The following PRKG1 variants were observed in gnomAD, a reference collection of about 807,000 sequenced individuals.
PRKG1 encodes protein kinase cGMP-dependent 1, also known as cGMP-dependent protein kinase 1.
In PRKG1, 35 loss-of-function variants were observed where a neutral mutation model predicts 88.1. The ratio of observed to expected loss-of-function variants is 0.40; its 90% CI spans 0.30 to 0.53. The LOEUF is 0.53. PRKG1 is among the 20% of genes least tolerant of loss of function. The pLI is 0.59. For synonymous variants in PRKG1, 303 were observed against 292.5 expected (o/e 1.04, Z -0.37); for missense variants, 540 against 839.8 (o/e 0.64, Z 4.41).
At chr10:52,282,543 CT>C (rs1255439256) in intron 14 of PRKG1, among the ~76,000 whole-genome samples, 1 of 152,036 alleles carries the variant, frequency 6.6e-6, no homozygotes, top group African/African-American at 2.4e-5. Context: ...ATTGCTACTT[CT>C]TTTTTACATA....
chr10:51,627,962 C>CT (rs1281947383), intron 3 of PRKG1, among the ~76,000 whole-genome samples: 3 of 17,078 alleles, frequency 1.8e-4, no homozygotes, highest in African/African-American at 4.2e-4. Context: ...TTCTTTCTTT[C>CT]TTTCTTTCTC....
At chr10:51,586,599 C>A (rs908868412) in intron 3 of PRKG1, among the ~76,000 whole-genome samples, 1 of 152,100 alleles carries the variant, frequency 6.6e-6, no homozygotes, top group African/African-American at 2.4e-5. Flanking sequence ...TAAGTCTTCC[C>A]CAACAAAGTG....
intron 3 of PRKG1, among the ~76,000 whole-genome samples, chr10:51,576,396 T>C (rs1837887497): frequency 2.0e-5 from 3 of 152,008 alleles, no homozygotes; most frequent in Admixed American, 2.0e-4. Context: ...CTCCTCTATA[T>C]AAAAGGATTG....
At chr10:52,204,065 G>T (rs1839745308) in intron 9 of PRKG1, among the ~76,000 whole-genome samples, 1 of 139,090 alleles carries the variant, frequency 7.2e-6, no homozygotes, top group Non-Finnish European at 1.5e-5. Context: ...TCACCATGTT[G>T]TTCGCTGGTT....
chr10:51,524,304 T>C (rs1346951413), intron 3 of PRKG1, among the ~76,000 whole-genome samples: 3 of 152,172 alleles, frequency 2.0e-5, no homozygotes, highest in Non-Finnish European at 2.9e-5. Flanking sequence ...AGGAAACTGA[T>C]CATCATCTGG....
chr10:51,556,760 G>A (rs191821596), intron 3 of PRKG1, among the ~76,000 whole-genome samples: 2 of 152,124 alleles, frequency 1.3e-5, no homozygotes, highest in Admixed American at 1.3e-4. Context: ...CTGAAAAACT[G>A]CCTGTTGGGT....
At chr10:52,081,867 TGTCCTGACAATAGGG>T (rs1846784186) in intron 7 of PRKG1, among the ~76,000 whole-genome samples, 1 of 22,978 alleles carries the variant, frequency 4.4e-5, no homozygotes, top group Admixed American at 6.2e-4. Flanking sequence ...GAATGTTTCT[TGTCCTGACAATAGGG>T]GTCTCATTAA....
At chr10:51,153,095 C>A in intron 1 of PRKG1, 69 bp from the exon 2 acceptor site, 1 of 1,461,822 alleles carries the variant, frequency 6.8e-7, no homozygotes, top group Non-Finnish European at 9.3e-7. Context: ...CTCTATGGCG[C>A]TGCTAAACCT....
chr10:51,065,422 G>T (rs1262544235), intron 1 of PRKG1, among the ~76,000 whole-genome samples: 1 of 151,994 alleles, frequency 6.6e-6, no homozygotes, highest in African/African-American at 2.4e-5. Context: ...AAATCAGAGT[G>T]ACAGGAAGAA....
At chr10:52,178,876 T>G (rs1838937009) in intron 9 of PRKG1, among the ~76,000 whole-genome samples, 1 of 152,036 alleles carries the variant, frequency 6.6e-6, no homozygotes, top group Non-Finnish European at 1.5e-5. Context: ...TTTCAGTCTG[T>G]GTGTGTCTTT....
At chr10:51,232,380 A>C (rs1401775610) in intron 2 of PRKG1, among the ~76,000 whole-genome samples, 1 of 152,214 alleles carries the variant, frequency 6.6e-6, no homozygotes, top group Non-Finnish European at 1.5e-5. Flanking sequence ...AGATTTGGTT[A>C]CTGAAGGAGC....
chr10:52,285,823 T>TA (rs1842105518), intron 14 of PRKG1, among the ~76,000 whole-genome samples: 1 of 151,848 alleles, frequency 6.6e-6, no homozygotes, highest in Non-Finnish European at 1.5e-5. Flanking sequence ...AGTCATGCTG[T>TA]AAGTAAGAGA....
At chr10:51,642,742 G>A (rs139006417) in intron 3 of PRKG1, among the ~76,000 whole-genome samples, 2 of 152,276 alleles carry the variant, frequency 1.3e-5, no homozygotes, top group East Asian at 3.9e-4. Context: ...AATTAACAAT[G>A]GGCTTATTAT....
intron 2 of PRKG1, among the ~76,000 whole-genome samples, chr10:51,153,750 T>G (rs2131976224): frequency 6.6e-6 from 1 of 152,098 alleles, no homozygotes; most frequent in African/African-American, 2.4e-5. Flanking sequence ...GCTATGAAGC[T>G]TCTGTAAAAA....
intron 2 of PRKG1, among the ~76,000 whole-genome samples, chr10:51,379,520 G>C (rs1842878886): frequency 6.6e-6 from 1 of 152,084 alleles, no homozygotes; most frequent in Non-Finnish European, 1.5e-5. Flanking sequence ...TTTAAATAAT[G>C]GTTTTAAATT....
chr10:51,680,168 G>A (rs866294117), intron 3 of PRKG1, among the ~76,000 whole-genome samples: 6 of 151,958 alleles, frequency 3.9e-5, no homozygotes, highest in South Asian at 4.1e-4. Context: ...AATTAGCCAC[G>A]AGCCAAATCC....
At chr10:51,166,632 T>C (rs565615398) in intron 2 of PRKG1, among the ~76,000 whole-genome samples, 2 of 152,314 alleles carry the variant, frequency 1.3e-5, no homozygotes, top group South Asian at 4.1e-4. Flanking sequence ...ATCCTGTGGA[T>C]TTAAATTATT....
chr10:51,858,394 TATATA>T (rs377703277), intron 4 of PRKG1, among the ~76,000 whole-genome samples: 2 of 15,102 alleles, frequency 1.3e-4, no homozygotes, highest in African/African-American at 2.4e-4. Context: ...ATATATAATA[TATATA>T]ATATATATAA....
At chr10:51,151,865 G>T (rs765232494) in intron 1 of PRKG1, among the ~76,000 whole-genome samples, 45 of 152,152 alleles carry the variant, frequency 3.0e-4, no homozygotes, top group Non-Finnish European at 5.4e-4. Flanking sequence ...AAGCCTCCCA[G>T]AAATGGGGAG....
Sources: allele counts gnomAD v4.1 joint callset (sites outside exome capture counted in the v4.1 genomes callset), GRCh38; gene constraint gnomAD v4.1.1; transcripts MANE v1.5; gene names NCBI Gene and HGNC (gene_info 2026-07-23, HGNC 2026-07-21).